PPHLN1: variants seen among roughly 807,000 people sequenced by gnomAD.
The protein encoded by PPHLN1 is periphilin-1.
In PPHLN1, 29 loss-of-function variants were observed where a neutral mutation model predicts 51.3. The observed-to-expected ratio is 0.57, with a 90% CI of 0.42 to 0.77. The LOEUF is 0.77. Among genes scored for constraint, PPHLN1 ranks in the 30% least tolerant of loss-of-function variants. PPHLN1 has a pLI of 0.00. For synonymous variants in PPHLN1, 147 were observed against 147.8 expected, an observed-to-expected ratio of 0.99 and a Z score of 0.04; for missense variants, 436 against 438.4, an observed-to-expected ratio of 0.99 and a Z score of 0.05.
chr12:42,384,907 G>T lies in PPHLN1; in HGVS notation c.512-33G>T, dbSNP rs751826073. On this transcript the variant is annotated intron_variant, in intron 5 of 9. Coordinates refer to ENST00000358314, the MANE Select transcript of PPHLN1 (RefSeq NM_201439.2). ...TGTTCCTCTTGGGCACAGAGGTGCT[G>T]CTGTTAATTCCTCCCTGCCCACCTT... 22 of 1,558,948 alleles carry T rather than the reference G, an allele frequency of 1.4e-5. No individual in the cohort carries two copies. In the South Asian group the frequency reaches 2.4e-4, roughly 17 times the overall value.
At position 42,335,883 on chromosome 12, in the gene PPHLN1, T is replaced by C. The variant is rs565104037; in HGVS notation, c.-20T>C. On this transcript the variant is annotated splice_region_variant and 5_prime_UTR_variant, in exon 2 of 10. Transcript: ENST00000358314. ...CCATAATTCTTTTTTTTTTCTTTAG[T>C]GGCTTACAGAAGAGACGAAATGTGG... 2.0e-6 allele frequency: 3 copies of C among 1,513,054 alleles called. No individual in the cohort carries two copies. Among genetic ancestry groups the C allele is most frequent in the South Asian group, 1.4e-5 (1 of 73,080 alleles). The allele number at this position is 1,513,054 out of a possible 1,614,324, so 93.7% of individuals were successfully genotyped here. A position where few individuals can be genotyped will look rare whatever the true frequency, so the allele number is the denominator to read the frequency against.
At chr12:42,398,718 GGA>G (rs777683281) in intron 8 of PPHLN1, 134 bp from the exon 9 acceptor site, 3 of 687,068 alleles carry the variant, frequency 4.4e-6, no homozygotes, top group Non-Finnish European at 6.8e-6. Flanking sequence ...ATAGTGAAAT[GGA>G]GAGAGTTTTC....
In PPHLN1 at chr12:42,387,518, G is replaced by A. The variant is rs556118803; in HGVS notation, c.631G>A (p.Ala211Thr). The change falls in exon 7 of 10, where the codon GCA becomes ACA. Residue 211 changes from alanine (A) to threonine (T), a missense_variant. By Grantham distance (58) the Ala-to-Thr change is moderately conservative. Coordinates refer to ENST00000358314, the MANE Select transcript of PPHLN1 (RefSeq NM_201439.2). ...AGATACTTCACCCTCAAGTGGTTCA[G>A]CAGTTTCTTCATCAAAGGTTTGTTA... Reference protein sequence around the residue: ...SRDTSPSSGSAVSSSKVLDKP... With the variant: ...SRDTSPSSGSTVSSSKVLDKP... 2.9e-5 allele frequency: 47 copies of A among 1,612,850 alleles called. No homozygotes were observed. In the South Asian group the frequency reaches 4.5e-4, roughly 16 times the overall value.
chr12:42,379,531 A>G (rs990187485), intron 5 of PPHLN1, among the ~76,000 whole-genome samples: 3 of 149,692 alleles, frequency 2.0e-5, no homozygotes, highest in Admixed American at 1.3e-4. Flanking sequence ...TTGCTTTCCT[A>G]TTTTTCCTTC....
intron 4 of PPHLN1, 46 bp downstream of exon 4, chr12:42,355,268 A>C (rs1180052947): frequency 2.7e-6 from 4 of 1,504,302 alleles, no homozygotes; most frequent in African/African-American, 1.4e-5. Context: ...TACTTGACTC[A>C]CTGTGATGTC....
intron 8 of PPHLN1, among the ~76,000 whole-genome samples, chr12:42,395,098 C>G (rs1416622766): frequency 6.6e-6 from 1 of 152,050 alleles, no homozygotes; most frequent in Non-Finnish European, 1.5e-5. Context: ...TGGGTTCTCT[C>G]ATTTCTTGAA....
At chr12:42,384,519 T>C (rs2077028842) in intron 5 of PPHLN1, among the ~76,000 whole-genome samples, 1 of 152,228 alleles carries the variant, frequency 6.6e-6, no homozygotes, top group Admixed American at 6.5e-5. Flanking sequence ...CATTTTTGAC[T>C]GTGTATGCAG....
chr12:42,334,168 A>G (rs548754662), intron 1 of PPHLN1, among the ~76,000 whole-genome samples: 17 of 152,332 alleles, frequency 1.1e-4, no homozygotes, highest in Admixed American at 9.1e-4. Flanking sequence ...CTTCCCTTTC[A>G]AGCTTCCATA....
At chr12:42,349,120 T>C (rs930253799) in intron 2 of PPHLN1, among the ~76,000 whole-genome samples, 8 of 152,194 alleles carry the variant, frequency 5.3e-5, no homozygotes, top group Non-Finnish European at 7.3e-5. Flanking sequence ...TTAATAACAA[T>C]TGAATTGTTG....
intron 4 of PPHLN1, among the ~76,000 whole-genome samples, chr12:42,369,963 T>C (rs2075645113): frequency 6.6e-6 from 1 of 152,246 alleles, no homozygotes; most frequent in South Asian, 2.1e-4. Context: ...AATGCCATGT[T>C]TAACTCTAGT....
intron 2 of PPHLN1, among the ~76,000 whole-genome samples, chr12:42,349,132 A>G (rs1258142691): frequency 6.6e-6 from 1 of 152,230 alleles, no homozygotes. Context: ...GAATTGTTGT[A>G]GTCATTAGGG....
At chr12:42,432,245 G>A (rs2082100871) in intron 9 of PPHLN1, 1 of 778,892 alleles carries the variant, frequency 1.3e-6, no homozygotes, top group African/African-American at 1.7e-5. Context: ...ACCATAACTG[G>A]AGGTGTAATT....
At chr12:42,401,093 G>A (rs1301956103) in intron 9 of PPHLN1, among the ~76,000 whole-genome samples, 1 of 152,124 alleles carries the variant, frequency 6.6e-6, no homozygotes, top group Non-Finnish European at 1.5e-5. Context: ...CAGAATGTGA[G>A]TTTGCAGAGA....
intron 7 of PPHLN1, among the ~76,000 whole-genome samples, chr12:42,390,912 C>T (rs1040348658): frequency 6.6e-6 from 1 of 150,700 alleles, no homozygotes; most frequent in African/African-American, 2.5e-5. Context: ...ATGATCCTTC[C>T]ACCTTGGCCT....
chr12:42,398,501 A>C (rs933162961), intron 8 of PPHLN1: 5 of 168,906 alleles, frequency 3.0e-5, no homozygotes, highest in African/African-American at 1.2e-4. Flanking sequence ...GGAATCGAAT[A>C]GGCCTAGAGG....
chr12:42,360,614 G>A (rs2074564629), intron 4 of PPHLN1, among the ~76,000 whole-genome samples: 1 of 151,662 alleles, frequency 6.6e-6, no homozygotes, highest in African/African-American at 2.4e-5. Context: ...CCCTGCCTCA[G>A]CCTCCAAGTA....
chr12:42,335,445 T>C (rs1363007659), intron 1 of PPHLN1, among the ~76,000 whole-genome samples: 2 of 152,082 alleles, frequency 1.3e-5, no homozygotes, highest in Non-Finnish European at 2.9e-5. Context: ...AAATGAAGAC[T>C]GTAGAAAAGC....
chr12:42,445,764 C>G (rs1057448471), downstream of PPHLN1: 1 of 528,766 alleles, frequency 1.9e-6, no homozygotes, highest in Non-Finnish European at 3.2e-6. Context: ...AGTAAAGACC[C>G]TGCAACACTA....
downstream of PPHLN1, chr12:42,446,497 C>T (rs1255442749): frequency 1.3e-6 from 2 of 1,482,444 alleles, no homozygotes; most frequent in Non-Finnish European, 1.8e-6. Context: ...AAAATCTCTC[C>T]TAGAAAGACC....
Sources: gnomAD v4.1 joint callset for allele counts (sites outside exome capture counted in the v4.1 genomes callset) on GRCh38, gnomAD v4.1.1 for gene constraint, MANE v1.5 for transcripts, NCBI Gene and HGNC (gene_info 2026-07-23, HGNC 2026-07-21) for gene names.